The following ADAMTSL5 variants were observed in gnomAD, a reference collection of about 807,000 sequenced individuals.
ADAMTSL5 encodes the protein ADAMTS like 5.
Under a neutral mutation model 51.7 loss-of-function variants are expected in ADAMTSL5, and 53 were observed. The observed-to-expected ratio is 1.03, with a 90% CI of 0.82 to 1.29. The LOEUF is 1.29. Ranked by LOEUF, ADAMTSL5 falls within the 50% of genes most tolerant of loss-of-function variation. ADAMTSL5 has a pLI of 0.00. For missense variants in ADAMTSL5, 770 were observed against 676.2 expected (o/e 1.14, Z -1.54); for synonymous variants, 285 against 278.7 (o/e 1.02, Z -0.23).
chr19:1,509,149 G>A (rs571430759), intron 5 of ADAMTSL5, among the ~76,000 whole-genome samples: 3 of 151,346 alleles, frequency 2.0e-5, no homozygotes, highest in Non-Finnish European at 2.9e-5. Context: ...CAGCTACTCC[G>A]GAGGCTGAGG....
At position 1,510,910 on chromosome 19, in the gene ADAMTSL5, G is replaced by T. The variant is rs1913234295; in HGVS notation, c.34C>A (p.Leu12Ile). ...AGGAAGAGCAGGAGGTTCTGGAAGA[G>T]GTGGGGCCTGGGGAACAGAGGGGCC... ...DSAPLFPRPHLFQNLLLFLWA... is the reference protein window; with the variant it reads ...DSAPLFPRPHIFQNLLLFLWA... Residue 12 changes from leucine to isoleucine, a missense_variant, in exon 2 of 12, where the codon CTC (leucine) becomes ATC (isoleucine). Leu to Ile is a conservative substitution (Grantham distance 5). Coordinates refer to ENST00000330475, the MANE Select transcript of ADAMTSL5 (RefSeq NM_213604.3). 3 of 1,484,766 alleles carry T rather than the reference G, an allele frequency of 2.0e-6. No individual in the cohort carries two copies. Among genetic ancestry groups the T allele is most frequent in the East Asian group, 2.6e-5 (1 of 38,616 alleles). 92.0% of individuals were successfully genotyped at this position (1,484,766 alleles called of 1,614,324 possible). A position where few individuals can be genotyped will look rare whatever the true frequency, so the allele number is the denominator to read the frequency against.
rs1359750881 is a variant in ADAMTSL5 at position 1,505,482 on chromosome 19, ATTGGTACG to A, written c.*525_*532del. ...CCTGGTAGCCAGGGGAAAAGGGGAA[ATTGGTACG>A]TTGGTACGTTACAGTGCCTGGTTAG... On this transcript the variant is annotated 3_prime_UTR_variant, in exon 12 of 12. Coordinates refer to ENST00000330475, the MANE Select transcript of ADAMTSL5 (RefSeq NM_213604.3). 11 of 152,306 alleles carry A rather than the reference ATTGGTACG, an allele frequency of 7.2e-5. No individual in the cohort carries two copies. The highest frequency in any genetic ancestry group is 7.2e-4 in the Admixed American group (11 of 15,262). The allele number at this position is 152,306 out of a possible 1,614,324, so 9.4% of individuals were successfully genotyped here. A position where few individuals can be genotyped will look rare whatever the true frequency, so the allele number is the denominator to read the frequency against.
At chr19:1,507,515 G>A (rs773689404) in intron 8 of ADAMTSL5, 42 bp downstream of exon 8, 35 of 1,608,460 alleles carry the variant, frequency 2.2e-5, no homozygotes, top group Non-Finnish European at 9.3e-6. Context: ...AACCGCCCCC[G>A]GGTGCCCAGC....
rs537184869 is a variant in ADAMTSL5, at chr19:1,512,475, G to T, written c.-218+488C>A. On this transcript the variant is annotated intron_variant, in intron 1 of 11. Transcript: ENST00000330475. ...ACAGGCGGATCACCTGAGGTCAGAA[G>T]TTTGGGACCAGCCTGACCAACATGG... Among the ~76,000 whole-genome samples the T allele has an allele frequency of 9.8e-5, 15 of 152,332 alleles. No homozygotes were observed. In the East Asian group the frequency reaches 2.9e-3, roughly 29 times the overall value.
chr19:1,512,845 G>C (rs1192554017), intron 1 of ADAMTSL5, 118 bp downstream of exon 1: 1 of 152,324 alleles, frequency 6.6e-6, no homozygotes, highest in Non-Finnish European at 1.5e-5. Context: ...CCAGAATCAA[G>C]GCTCTCCCCT....
intron 3 of ADAMTSL5, 67 bp from the exon 4 acceptor site, chr19:1,510,495 C>G: frequency 6.6e-7 from 1 of 1,526,068 alleles, no homozygotes; most frequent in Non-Finnish European, 8.8e-7. Flanking sequence ...TTCCACCCTC[C>G]GCCCCCGCCA....
intron 5 of ADAMTSL5, 117 bp downstream of exon 5, chr19:1,510,033 T>C (rs1913174878): frequency 1.2e-6 from 1 of 811,830 alleles, no homozygotes; most frequent in African/African-American, 1.7e-5. Context: ...CTACATATCC[T>C]TCAAAGCCCT....
Position 1,508,597 on chromosome 19 carries a change from G to A in ADAMTSL5, c.362-27C>T, listed in dbSNP as rs1206140395. ...TGAGGGCAGGAGGAGTCGGTGGGCC[G>A]GGGACCCCTGTTCGAGCTCCAGTCC... On this transcript the variant is annotated intron_variant, in intron 5 of 11. Transcript: ENST00000330475. 1.0e-5 allele frequency: 15 copies of A among 1,491,848 alleles called. No individual in the cohort carries two copies. In the East Asian group the frequency reaches 2.5e-4, roughly 25 times the overall value. 92.4% of individuals were successfully genotyped at this position (1,491,848 alleles called of 1,614,324 possible). A position where few individuals can be genotyped will look rare whatever the true frequency, so the allele number is the denominator to read the frequency against.
At chr19:1,509,284 A>T (rs973805548) in intron 5 of ADAMTSL5, among the ~76,000 whole-genome samples, 21 of 146,106 alleles carry the variant, frequency 1.4e-4, no homozygotes, top group Admixed American at 2.1e-4. Context: ...AAAAAAGAAG[A>T]TCTGAGCATC....
At chr19:1,512,448 A>G (rs1007053199) in intron 1 of ADAMTSL5, among the ~76,000 whole-genome samples, 16 of 152,248 alleles carry the variant, frequency 1.1e-4, no homozygotes, top group African/African-American at 3.9e-4. Context: ...TGGGAGGCCA[A>G]GACAGGCGGA....
Position 1,511,053 on chromosome 19 carries a change from C to A in ADAMTSL5, c.-110G>T. Reference sequence around the variant, plus strand: ...AGCCCTACCTCTCGTCTCTGAAAAACGGGGTAATAGAGCCTCCCTTACAGG... The same window carrying A: ...AGCCCTACCTCTCGTCTCTGAAAAAAGGGGTAATAGAGCCTCCCTTACAGG... On this transcript the variant is annotated 5_prime_UTR_variant, in exon 2 of 12. Coordinates refer to ENST00000330475, the MANE Select transcript of ADAMTSL5 (RefSeq NM_213604.3). The A allele has an allele frequency of 1.1e-6, 1 of 871,898 alleles. No individual in the cohort carries two copies. 54.0% of individuals were successfully genotyped at this position (871,898 alleles called of 1,614,324 possible).
Position 1,510,266 on chromosome 19 carries a change from C to T in ADAMTSL5, c.253-8G>A, listed in dbSNP as rs898984780. Reference sequence around the variant, plus strand: ...AGCCCCTGGGGGGCAGTCCTAGGGACAGAGATAGGTGAGCCAGAGGCTGGG... The same window carrying T: ...AGCCCCTGGGGGGCAGTCCTAGGGATAGAGATAGGTGAGCCAGAGGCTGGG... On this transcript the variant is annotated splice_region_variant and splice_polypyrimidine_tract_variant and intron_variant, in intron 4 of 11. Transcript: ENST00000330475. 4 of 1,613,182 alleles carry T rather than the reference C, an allele frequency of 2.5e-6. No individual in the cohort carries two copies. Among genetic ancestry groups the T allele is most frequent in the Middle Eastern group, 1.7e-4 (1 of 6,060 alleles).
Position 1,506,424 on chromosome 19 carries a change from T to C in ADAMTSL5, c.1115-108A>G. ...GAGGGTCAGGTGGGACCTCGGGATC[T>C]ATAGGGACTAGAGTCAGGATCACGT... On this transcript the variant is annotated intron_variant, in intron 11 of 11. Coordinates refer to ENST00000330475, the MANE Select transcript of ADAMTSL5 (RefSeq NM_213604.3). The surrounding 1 kb of genome is among the most constrained non-coding windows in gnomAD (Gnocchi z 5.6). The C allele has an allele frequency of 1.4e-6, 2 of 1,456,954 alleles. No individual in the cohort carries two copies. Among genetic ancestry groups the C allele is most frequent in the South Asian group, 2.6e-5 (2 of 76,730 alleles). 90.3% of individuals were successfully genotyped at this position (1,456,954 alleles called of 1,614,324 possible). A position where few individuals can be genotyped will look rare whatever the true frequency, so the allele number is the denominator to read the frequency against.
Position 1,508,043 on chromosome 19 carries a change from C to G in ADAMTSL5, c.556G>C (p.Ala186Pro), listed in dbSNP as rs753857812. ...LEDRCGRCGG[A>P]NDSCLFVQRV... is the part of the protein sequence containing the mutation. ...TGCACGAAAAGGCACGAGTCGTTGG[C>G]GCCTCCGCAGCGGCCACAGCGGTCC... Residue 186 changes from alanine to proline, a missense_variant, in exon 7 of 12, where the codon GCC becomes CCC. By Grantham distance (27) the Ala-to-Pro change is conservative. Coordinates refer to ENST00000330475, the MANE Select transcript of ADAMTSL5 (RefSeq NM_213604.3). 8 of 1,609,054 alleles carry G rather than the reference C, an allele frequency of 5.0e-6. No homozygotes were observed. In the South Asian group the frequency reaches 8.9e-5, roughly 18 times the overall value.
In ADAMTSL5 at chr19:1,511,600, C is replaced by T. The variant is rs889696498; in HGVS notation, c.-217-440G>A. ...TCCTAGGGCTGGGGCCCCCTCCCCG[C>T]CCTCCCCACCATCACTGCTTCTACC... On this transcript the variant is annotated intron_variant, in intron 1 of 11. Coordinates refer to ENST00000330475, the MANE Select transcript of ADAMTSL5 (RefSeq NM_213604.3). 3.9e-6 allele frequency: 5 copies of T among 1,266,170 alleles called. No homozygotes were observed. The African/African-American group carries it at 7.7e-5, about 19-fold the overall frequency. 78.4% of individuals were successfully genotyped at this position (1,266,170 alleles called of 1,614,324 possible).
At position 1,507,645 on chromosome 19, in the gene ADAMTSL5, T is replaced by C. The variant is rs904114471; in HGVS notation, c.602-2A>G. On this transcript the variant is annotated splice_acceptor_variant, in intron 7 of 11. Coordinates refer to ENST00000330475, the MANE Select transcript of ADAMTSL5 (RefSeq NM_213604.3). LOFTEE classifies it high-confidence loss of function. The stretch of plus-strand genomic sequence containing the variant: ...CGTTCCAGTACCCAGCGAAGGCACC[T>C]GGGTGGGAGGGTAGGAGGGTGTTGG... 1 of 1,613,350 alleles carries C rather than the reference T, an allele frequency of 6.2e-7. No homozygotes were observed. Among genetic ancestry groups the C allele is most frequent in the Non-Finnish European group, 8.5e-7 (1 of 1,179,892 alleles).
Position 1,507,612 on chromosome 19 carries a change from C to G in ADAMTSL5, c.633G>C (p.Leu211=). The G allele has an allele frequency of 6.2e-7, 1 of 1,613,528 alleles. No homozygotes were observed. Among genetic ancestry groups the G allele is most frequent in the Non-Finnish European group, 8.5e-7 (1 of 1,180,012 alleles). The change falls in exon 8 of 12, where the codon CTG becomes CTC. Residue 211 remains leucine (L), a synonymous_variant. Transcript: ENST00000330475. ...GAFAGYWNVT[L]IPEGARHIRV... is the part of the protein sequence containing the mutation. ...GGATGTGTCTGGCGCCCTCGGGGATCAGGGTCACGTTCCAGTACCCAGCGA... is the reference window on the plus strand; with the variant it reads ...GGATGTGTCTGGCGCCCTCGGGGATGAGGGTCACGTTCCAGTACCCAGCGA...
chr19:1,509,310 C>T (rs1178186195), intron 5 of ADAMTSL5, among the ~76,000 whole-genome samples: 1 of 149,586 alleles, frequency 6.7e-6, no homozygotes, highest in Non-Finnish European at 1.5e-5. Flanking sequence ...CAGGCACCAG[C>T]AAGTACCCAA....
chr19:1,508,868 T>G (rs1194011502), intron 5 of ADAMTSL5: 1 of 281,090 alleles, frequency 3.6e-6, no homozygotes, highest in African/African-American at 2.2e-5. Context: ...CATTCTTCAT[T>G]CCACTGAACA....
Sources: allele counts gnomAD v4.1 joint callset (sites outside exome capture counted in the v4.1 genomes callset), GRCh38; gene constraint gnomAD v4.1.1; non-coding constraint Gnocchi (gnomAD v3.1); transcripts MANE v1.5; gene names NCBI Gene and HGNC (gene_info 2026-07-23, HGNC 2026-07-21).